Variants in PRAG1 observed in about 807,000 individuals in gnomAD.
PRAG1 encodes PEAK1 related, kinase-activating pseudokinase 1.
Under a neutral mutation model 95.6 loss-of-function variants are expected in PRAG1, and 110 were observed. That is an observed-to-expected ratio of 1.15 (90% CI 0.99 to 1.35). The LOEUF (loss-of-function observed/expected upper bound fraction) is 1.35, where lower values mean the gene tolerates loss of function less well. PRAG1 is among the 40% of genes most tolerant of loss of function. The pLI, the probability that PRAG1 is intolerant of heterozygous loss-of-function variation, is 0.00. For synonymous variants in PRAG1, 1,052 were observed against 819.4 expected, an observed-to-expected ratio of 1.28 and a Z score of -4.85; for missense variants, 2,554 against 1,864.7, an observed-to-expected ratio of 1.37 and a Z score of -6.81.
chr8:8,355,950 T>G (rs1322904669), intron 3 of PRAG1, among the ~76,000 whole-genome samples: 1 of 152,208 alleles, frequency 6.6e-6, no homozygotes, highest in Middle Eastern at 3.2e-3. Context: ...GAAAACCTTC[T>G]GCACAGCAAA....
rs151141209 is a variant in PRAG1 at position 8,320,853 on chromosome 8, G to T, written c.3073-1551C>A. Among the ~76,000 whole-genome samples, 448 of 152,320 alleles carry T rather than the reference G, an allele frequency of 2.9e-3. 12 individuals are homozygous for T. Among genetic ancestry groups the T allele is most frequent in the Admixed American group, 0.026 (401 of 15,300 alleles). On this transcript the variant is annotated intron_variant, in intron 5 of 5. Coordinates refer to ENST00000615670, the MANE Select transcript of PRAG1 (RefSeq NM_001080826.3). ...TTTATTTATATTGCAGCTATGCAAA[G>T]CTTCTCAGCATGAAACCTGGCATAC...
At chr8:8,371,740 C>G (rs1253849031) in intron 3 of PRAG1, among the ~76,000 whole-genome samples, 1 of 152,068 alleles carries the variant, frequency 6.6e-6, no homozygotes, top group Non-Finnish European at 1.5e-5. Context: ...CATGGTGGCA[C>G]GTGCCTGTAG....
intron 4 of PRAG1, among the ~76,000 whole-genome samples, chr8:8,328,923 A>T (rs1370766588): frequency 2.6e-5 from 4 of 152,260 alleles, no homozygotes; most frequent in Non-Finnish European, 5.9e-5. Flanking sequence ...TCTCACCATA[A>T]TATATCACCA....
chr8:8,317,910 T>C lies in PRAG1; in HGVS notation c.*244A>G, dbSNP rs1207485704. 3 of 306,198 alleles carry C rather than the reference T, an allele frequency of 9.8e-6. No individual in the cohort carries two copies. Among genetic ancestry groups the C allele is most frequent in the African/African-American group, 2.2e-5 (1 of 46,470 alleles). 19.0% of individuals were successfully genotyped at this position (306,198 alleles called of 1,614,324 possible). A position where few individuals can be genotyped will look rare whatever the true frequency, so the allele number is the denominator to read the frequency against. On this transcript the variant is annotated 3_prime_UTR_variant, in exon 6 of 6. Transcript: ENST00000615670. ...CGTTGCATGGAACTGGAAATGTGTA[T>C]AATTACAGAAGAAAACAGGGAGGAC...
intron 3 of PRAG1, among the ~76,000 whole-genome samples, chr8:8,373,004 A>C (rs1800261975): frequency 6.6e-6 from 1 of 152,220 alleles, no homozygotes; most frequent in South Asian, 2.1e-4. Context: ...GAAGCTGATC[A>C]TTAGAAATAG....
In PRAG1 at chr8:8,377,659, A is replaced by C; in HGVS notation, c.750T>G (p.Gly250=). Residue 250 remains glycine (G), a synonymous_variant, in exon 3 of 6, where the codon GGT becomes GGG. Coordinates refer to ENST00000615670, the MANE Select transcript of PRAG1 (RefSeq NM_001080826.3). The stretch of plus-strand genomic sequence containing the variant: ...AGTCCAGGATGGAGCAGTACTCTCC[A>C]CCCTCGCTGTCCCCGGAGGGCGAGC... ...QRCSPSGDSE[G]GEYCSILDCC... is the part of the protein sequence containing the mutation. 1 of 1,613,384 alleles carries C rather than the reference A, an allele frequency of 6.2e-7. No homozygotes were observed. The highest frequency in any genetic ancestry group is 8.5e-7 in the Non-Finnish European group (1 of 1,179,936).
Position 8,328,380 on chromosome 8 carries a change from G to T in PRAG1, c.2402C>A (p.Thr801Asn), listed in dbSNP as rs373954477. 6.2e-7 allele frequency: 1 copy of T among 1,613,758 alleles called. No individual in the cohort carries two copies. Among genetic ancestry groups the T allele is most frequent in the African/African-American group, 1.3e-5 (1 of 75,024 alleles). The stretch of plus-strand genomic sequence containing the variant: ...GGGGCCACTGGGGGACACGTCCTCA[G>T]TGGAGCCTGAAGGAAACGGAACGGG... ...FAPVPFPSGS[T>N]EDVSPSGPQQ... Residue 801 changes from threonine (T) to asparagine (N), a missense_variant, in exon 5 of 6, where the codon ACT (threonine) becomes AAT (asparagine). Coordinates refer to ENST00000615670, the MANE Select transcript of PRAG1 (RefSeq NM_001080826.3).
At chr8:8,360,595 C>T (rs970400865) in intron 3 of PRAG1, among the ~76,000 whole-genome samples, 1 of 152,228 alleles carries the variant, frequency 6.6e-6, no homozygotes, top group African/African-American at 2.4e-5. Context: ...ACTTATTCTT[C>T]CAGTTCTCTA....
rs55764617 is a variant in PRAG1, at chr8:8,378,045, G to A, written c.364C>T (p.Leu122Phe). 2 of 1,552,506 alleles carry A rather than the reference G, an allele frequency of 1.3e-6. No individual in the cohort carries two copies. Among genetic ancestry groups the A allele is most frequent in the Non-Finnish European group, 8.7e-7 (1 of 1,149,694 alleles). Residue 122 changes from leucine (L) to phenylalanine (F), a missense_variant, in exon 3 of 6, where the codon CTC becomes TTC. Transcript: ENST00000615670. ...IWRRAPGKLP[L>F]PKQEDAPVVY... is the part of the protein sequence containing the mutation. ...ACGGGGGCATCCTCCTGCTTCGGGAGGGGGAGCTTGCCAGGGGCTCGTCTC... is the reference window on the plus strand; with the variant it reads ...ACGGGGGCATCCTCCTGCTTCGGGAAGGGGAGCTTGCCAGGGGCTCGTCTC...
intron 3 of PRAG1, among the ~76,000 whole-genome samples, chr8:8,369,651 T>C (rs1800126927): frequency 6.6e-6 from 1 of 152,152 alleles, no homozygotes; most frequent in Non-Finnish European, 1.5e-5. Context: ...TGGTTAAGCA[T>C]GCACTTTACC....
chr8:8,343,749 C>T (rs1799245326), intron 3 of PRAG1, among the ~76,000 whole-genome samples: 1 of 152,168 alleles, frequency 6.6e-6, no homozygotes, highest in Admixed American at 6.5e-5. Context: ...AGCTGGAAAG[C>T]CACCATAGAA....
chr8:8,370,729 C>G (rs2979166), intron 3 of PRAG1, among the ~76,000 whole-genome samples: 1 of 151,950 alleles, frequency 6.6e-6, no homozygotes, highest in East Asian at 1.9e-4. Flanking sequence ...TACAGGAGAG[C>G]CCACACAGTG....
rs879861569 is a variant in PRAG1 at position 8,367,317 on chromosome 8, G to A, written c.2162+8930C>T. Among the ~76,000 whole-genome samples the A allele has an allele frequency of 2.0e-5, 3 of 151,678 alleles. No individual in the cohort carries two copies. The East Asian group carries it at 5.9e-4, about 30-fold the overall frequency. ...TACTAATAATACAAAAATCAGCCAG[G>A]CATGGTGGCAGGCGCCTGTAATCCC... is the stretch of plus-strand genomic sequence containing the variant. On this transcript the variant is annotated intron_variant, in intron 3 of 5. Coordinates refer to ENST00000615670, the MANE Select transcript of PRAG1 (RefSeq NM_001080826.3).
intron 5 of PRAG1, among the ~76,000 whole-genome samples, chr8:8,321,365 G>T (rs1463251816): frequency 6.6e-6 from 1 of 152,218 alleles, no homozygotes; most frequent in Non-Finnish European, 1.5e-5. Flanking sequence ...GATTACTCGC[G>T]TGAACCACGG....
intron 4 of PRAG1, among the ~76,000 whole-genome samples, chr8:8,333,456 C>A (rs1195238010): frequency 3.3e-5 from 5 of 152,100 alleles, no homozygotes; most frequent in Non-Finnish European, 7.4e-5. Context: ...AGGGAAGGTG[C>A]ACTAGTTTGG....
intron 5 of PRAG1, among the ~76,000 whole-genome samples, 193 bp downstream of exon 5, chr8:8,327,517 C>T (rs2117113959): frequency 6.6e-6 from 1 of 152,240 alleles, no homozygotes; most frequent in East Asian, 1.9e-4. Context: ...CTGTAGTGAG[C>T]CAAGATTGTG....
intron 3 of PRAG1, among the ~76,000 whole-genome samples, chr8:8,345,367 C>CAAAAAA (rs202100503): frequency 2.5e-5 from 2 of 79,062 alleles, no homozygotes; most frequent in Admixed American, 1.3e-4. Flanking sequence ...CCTGTCTCTA[C>CAAAAAA]AAAAAAAAAA....
chr8:8,328,214 G>C lies in PRAG1; in HGVS notation c.2568C>G (p.Val856=), dbSNP rs779066377. Residue 856 remains valine, a synonymous_variant, in exon 5 of 6, where the codon GTC becomes GTG. Transcript: ENST00000615670. ...AATAGCTAAAGTGAGATTCGTCGTGGACGTTGGTTTCCGAGTGGCTTAGGT... is the reference window on the plus strand; with the variant it reads ...AATAGCTAAAGTGAGATTCGTCGTGCACGTTGGTTTCCGAGTGGCTTAGGT... ...KLNLSHSETN[V]HDESHFSYSL... is the part of the protein sequence containing the mutation. The C allele has an allele frequency of 6.2e-7, 1 of 1,614,250 alleles. No individual in the cohort carries two copies. The highest frequency in any genetic ancestry group is 8.5e-7 in the Non-Finnish European group (1 of 1,180,048).
chr8:8,376,549 G>T lies in PRAG1; in HGVS notation c.1860C>A (p.Ala620=). 2.5e-6 allele frequency: 4 copies of T among 1,609,470 alleles called. No individual in the cohort carries two copies. The highest frequency in any genetic ancestry group is 3.4e-6 in the Non-Finnish European group (4 of 1,176,650). The part of the protein sequence containing the change: ...SRCPQPAASS[A]SEQRRPRFQA... ...GGAACCTGGGCCGCCTCTGTTCCGA[G>T]GCTGACGAGGCGGCAGGCTGGGGAC... is the stretch of plus-strand genomic sequence containing the variant. The change falls in exon 3 of 6, where the codon GCC becomes GCA. Residue 620 remains alanine (A), a synonymous_variant. Coordinates refer to ENST00000615670, the MANE Select transcript of PRAG1 (RefSeq NM_001080826.3).
Sources: gnomAD v4.1 joint callset for allele counts (sites outside exome capture counted in the v4.1 genomes callset) on GRCh38, gnomAD v4.1.1 for gene constraint, MANE v1.5 for transcripts, NCBI Gene and HGNC (gene_info 2026-07-23, HGNC 2026-07-21) for gene names.